The following NIN variants were observed in gnomAD, a reference collection of about 807,000 sequenced individuals.
NIN encodes the protein glycogen synthase kinase 3 beta-interacting protein.
A neutral mutation model predicts 257.6 loss-of-function variants in NIN; 137 were observed. The ratio of observed to expected loss-of-function variants is 0.53; its 90% CI spans 0.46 to 0.61. NIN has a LOEUF of 0.61. Ranked by LOEUF, NIN falls within the 20% of genes least tolerant of loss-of-function variation. NIN has a pLI of 0.00. For synonymous variants in NIN, 918 were observed against 919.8 expected (o/e 1.00, Z 0.04); for missense variants, 2,439 against 2,501.2 (o/e 0.98, Z 0.53).
Position 50,752,745 on chromosome 14 carries a change from T to A in NIN, c.4735-12A>T. The A allele has an allele frequency of 1.3e-6, 2 of 1,484,272 alleles. No homozygotes were observed. Among genetic ancestry groups the A allele is most frequent in the Non-Finnish European group, 1.8e-6 (2 of 1,088,652 alleles). The allele number at this position is 1,484,272 out of a possible 1,614,324, so 91.9% of individuals were successfully genotyped here. The stretch of plus-strand genomic sequence containing the variant: ...TTTAATTCTGAAATCTAATTAAAAT[T>A]AAAATAAGTTTTTCAAACTTGTTAC... On this transcript the variant is annotated splice_polypyrimidine_tract_variant and intron_variant, in intron 20 of 30. Transcript: ENST00000530997.
intron 5 of NIN, among the ~76,000 whole-genome samples, chr14:50,779,781 G>A (rs1217747825): frequency 1.3e-5 from 2 of 152,042 alleles, no homozygotes; most frequent in African/African-American, 4.8e-5. Flanking sequence ...GAAAAGAAAA[G>A]AAGGGGGGCA....
At chr14:50,823,351 G>A (rs1193079191) in intron 2 of NIN, 1 of 525,348 alleles carries the variant, frequency 1.9e-6, no homozygotes, top group South Asian at 1.5e-5. Flanking sequence ...AAAAAAAGCA[G>A]CAGCTTTCAC....
At chr14:50,770,732 G>T in intron 11 of NIN, 120 bp downstream of exon 11, 2 of 1,361,838 alleles carry the variant, frequency 1.5e-6, no homozygotes, top group East Asian at 2.4e-5. Context: ...CTCCAGCAAG[G>T]TGTGGCCAAC....
intron 6 of NIN, among the ~76,000 whole-genome samples, chr14:50,777,509 C>T (rs541601818): frequency 6.6e-6 from 1 of 152,322 alleles, no homozygotes; most frequent in East Asian, 1.9e-4. Context: ...TAAGCTCTAT[C>T]TCAACTATAG....
rs761557767 is a variant in NIN at position 50,760,270 on chromosome 14, C to A, written c.1986G>T (p.Thr662=). 6.8e-6 allele frequency: 11 copies of A among 1,610,622 alleles called. No individual in the cohort carries two copies. Among genetic ancestry groups the A allele is most frequent in the South Asian group, 4.4e-5 (4 of 91,070 alleles). The change falls in exon 17 of 31, where the codon ACG becomes ACT. Residue 662 remains threonine, a synonymous_variant. Coordinates refer to ENST00000530997, the MANE Select transcript of NIN (RefSeq NM_020921.4). ...ENMKQRHENE[T]HTLEKQISDL... is the part of the protein sequence containing the mutation. Reference sequence around the variant, plus strand: ...CACTTATTTGTTTTTCTAAGGTGTGCGTTTCGTTCTCATGCCTTTGCTTCA... The same window carrying A: ...CACTTATTTGTTTTTCTAAGGTGTGAGTTTCGTTCTCATGCCTTTGCTTCA...
Position 50,770,509 on chromosome 14 carries a change from C to A in NIN, c.1313G>T (p.Arg438Leu), listed in dbSNP as rs188064359. 1.9e-6 allele frequency: 3 copies of A among 1,614,192 alleles called. No homozygotes were observed. The highest frequency in any genetic ancestry group is 2.7e-5 in the African/African-American group (2 of 75,050). The change falls in exon 12 of 31, where the codon CGA (arginine) becomes CTA (leucine). Residue 438 changes from arginine (R) to leucine (L), a missense_variant. By Grantham distance (102) the Arg-to-Leu change is moderately radical. This residue lies in a region of NIN where 2,043 missense variants were observed against 2,050.2 expected (regional missense o/e 1.00). Transcript: ENST00000530997. ...ERIAALKNELRKEREQILQQA... is the reference protein window; with the variant it reads ...ERIAALKNELLKEREQILQQA... ...CTGCAGGATCTGCTCTCTCTCTTTTCGGAGTTCATTTTTTAAGGCTGCTAT... is the reference window on the plus strand; with the variant it reads ...CTGCAGGATCTGCTCTCTCTCTTTTAGGAGTTCATTTTTTAAGGCTGCTAT...
chr14:50,812,405 A>T (rs1332046340), intron 3 of NIN, among the ~76,000 whole-genome samples: 3 of 152,136 alleles, frequency 2.0e-5, no homozygotes, highest in African/African-American at 7.2e-5. Context: ...GCTGGAAGTC[A>T]AATCCTCAAC....
intron 21 of NIN, among the ~76,000 whole-genome samples, chr14:50,751,539 C>T (rs947032806): frequency 2.5e-4 from 38 of 152,010 alleles, no homozygotes; most frequent in African/African-American, 8.5e-4. Context: ...GAACATTTTT[C>T]CATAGATTTG....
chr14:50,747,963 G>T, intron 22 of NIN, 29 bp downstream of exon 22: 1 of 1,454,666 alleles, frequency 6.9e-7, no homozygotes, highest in Non-Finnish European at 9.7e-7. Flanking sequence ...ATTGTTCTGT[G>T]AACCCCCCTT....
chr14:50,770,634 G>A, intron 11 of NIN, 72 bp from the exon 12 acceptor site: 1 of 1,538,020 alleles, frequency 6.5e-7, no homozygotes, highest in Non-Finnish European at 8.9e-7. Flanking sequence ...ACCAAAAATG[G>A]AAACACAGAG....
chr14:50,824,246 T>G (rs2045361070), intron 2 of NIN, among the ~76,000 whole-genome samples: 1 of 152,248 alleles, frequency 6.6e-6, no homozygotes, highest in African/African-American at 2.4e-5. Context: ...AAAACACTGA[T>G]GTACTGAGAA....
intron 30 of NIN, chr14:50,724,207 T>C (rs2040330691): frequency 5.0e-6 from 1 of 201,102 alleles, no homozygotes; most frequent in Non-Finnish European, 1.0e-5. Flanking sequence ...TCTAGTCTAA[T>C]CTTTATAGTT....
chr14:50,763,350 T>C (rs1310282167), intron 15 of NIN, among the ~76,000 whole-genome samples: 1 of 152,234 alleles, frequency 6.6e-6, no homozygotes, highest in Non-Finnish European at 1.5e-5. Context: ...ATTTATCTTC[T>C]TTGTTCTGCT....
intron 20 of NIN, 70 bp downstream of exon 20, chr14:50,754,493 T>C: frequency 7.9e-7 from 1 of 1,268,540 alleles, no homozygotes; most frequent in Non-Finnish European, 1.1e-6. Context: ...GTGCTGTAAA[T>C]TTATAAATTT....
rs1378507514 is a variant in NIN at position 50,722,856 on chromosome 14, CAAG to C, written c.*604_*606del. On this transcript the variant is annotated 3_prime_UTR_variant, in exon 31 of 31. Transcript: ENST00000530997. ...GTAAATCAGTTCTAAATCTATAATACAAGAAGAGTGGTAATACTGTCACAGGTG... is the reference window on the plus strand; with the variant it reads ...GTAAATCAGTTCTAAATCTATAATACAAGAGTGGTAATACTGTCACAGGTG... 1 of 211,874 alleles carries C rather than the reference CAAG, an allele frequency of 4.7e-6. No homozygotes were observed. The highest frequency in any genetic ancestry group is 1.9e-4 in the South Asian group (1 of 5,330). The allele number at this position is 211,874 out of a possible 1,614,324, so 13.1% of individuals were successfully genotyped here. A position where few individuals can be genotyped will look rare whatever the true frequency, so the allele number is the denominator to read the frequency against.
intron 24 of NIN, among the ~76,000 whole-genome samples, chr14:50,742,791 G>T (rs2041352437): frequency 1.3e-5 from 2 of 152,110 alleles, no homozygotes; most frequent in South Asian, 4.1e-4. Context: ...TGTTGATATA[G>T]ATCTTCAAAA....
intron 4 of NIN, among the ~76,000 whole-genome samples, chr14:50,804,845 A>G (rs1595903362): frequency 6.6e-6 from 1 of 151,984 alleles, no homozygotes; most frequent in Non-Finnish European, 1.5e-5. Flanking sequence ...TAGTTTTAAG[A>G]AAGTTTACAA....
chr14:50,825,724 A>C (rs976477480), intron 2 of NIN, among the ~76,000 whole-genome samples: 4 of 152,230 alleles, frequency 2.6e-5, no homozygotes, highest in African/African-American at 9.6e-5. Flanking sequence ...CTCTGAAATG[A>C]TGCCATTGGC....
intron 22 of NIN, 23 bp downstream of exon 22, chr14:50,747,969 C>T: frequency 4.0e-6 from 6 of 1,497,412 alleles, no homozygotes; most frequent in Non-Finnish European, 4.7e-6. Flanking sequence ...CTGTGAACCC[C>T]CCTTAGCTGC....
Sources: allele counts gnomAD v4.1 joint callset (sites outside exome capture counted in the v4.1 genomes callset), GRCh38; gene constraint gnomAD v4.1.1; regional missense constraint gnomAD v4.1.1; transcripts MANE v1.5; gene names NCBI Gene and HGNC (gene_info 2026-07-23, HGNC 2026-07-21).